The following USP34 variants were observed in gnomAD, a reference collection of about 807,000 sequenced individuals.
USP34 encodes ubiquitin carboxyl-terminal hydrolase 34.
USP34 carries 70 observed loss-of-function variants against 460.3 expected under a neutral mutation model. That is an observed-to-expected ratio of 0.15 (90% CI 0.13 to 0.19). The LOEUF (loss-of-function observed/expected upper bound fraction) is 0.19. Among genes scored for constraint, USP34 ranks in the 10% least tolerant of loss-of-function variants. USP34 has a pLI of 1.00. For missense variants in USP34, 3,985 were observed against 4,236.2 expected (o/e 0.94, Z 1.65); for synonymous variants, 1,647 against 1,405.3 (o/e 1.17, Z -3.85).
At chr2:61,304,459 G>A (rs1047325109) in intron 27 of USP34, among the ~76,000 whole-genome samples, 2 of 152,134 alleles carry the variant, frequency 1.3e-5, no homozygotes, top group African/African-American at 2.4e-5. Flanking sequence ...TCTGTATGTC[G>A]AATCCTAATT....
At chr2:61,361,885 G>T (rs1328990654) in intron 10 of USP34, among the ~76,000 whole-genome samples, 1 of 151,508 alleles carries the variant, frequency 6.6e-6, no homozygotes, top group Non-Finnish European at 1.5e-5. Flanking sequence ...CCTACAAAAT[G>T]GAATAAAATA....
At chr2:61,203,894 A>G (rs1687041812) in intron 74 of USP34, among the ~76,000 whole-genome samples, 1 of 151,598 alleles carries the variant, frequency 6.6e-6, no homozygotes, top group African/African-American at 2.4e-5. Context: ...ATATAATTTA[A>G]GGGAAGTAGA....
chr2:61,404,406 C>T (rs968659493), intron 3 of USP34, among the ~76,000 whole-genome samples: 3 of 152,144 alleles, frequency 2.0e-5, no homozygotes, highest in African/African-American at 7.2e-5. Flanking sequence ...TACTTCACTA[C>T]CCCTTTGAAT....
intron 51 of USP34, among the ~76,000 whole-genome samples, chr2:61,242,452 AATAC>A (rs1302674002): frequency 8.2e-5 from 9 of 110,092 alleles, no homozygotes; most frequent in South Asian, 3.4e-4. Flanking sequence ...AACCAAAGAT[AATAC>A]ATACACACAC....
intron 22 of USP34, 129 bp downstream of exon 22, chr2:61,319,044 G>T: frequency 1.1e-6 from 1 of 881,508 alleles, no homozygotes; most frequent in Non-Finnish European, 1.6e-6. Context: ...TATTAGGACT[G>T]CTAAAATTCA....
chr2:61,281,888 C>G (rs1572897800), intron 37 of USP34, among the ~76,000 whole-genome samples: 1 of 152,110 alleles, frequency 6.6e-6, no homozygotes. Context: ...CAACTTCAAT[C>G]GGAATATTCT....
At chr2:61,375,768 CAA>C (rs56304309) in intron 8 of USP34, among the ~76,000 whole-genome samples, 11 of 80,870 alleles carry the variant, frequency 1.4e-4, no homozygotes, top group East Asian at 1.2e-3. Context: ...GACTCTGTCT[CAA>C]AAAAAAAAAA....
chr2:61,284,358 C>G (rs979212653), intron 35 of USP34, among the ~76,000 whole-genome samples: 1 of 152,084 alleles, frequency 6.6e-6, no homozygotes, highest in Non-Finnish European at 1.5e-5. Context: ...GCCTGCATTA[C>G]TTGAAAATGT....
Position 61,335,664 on chromosome 2 carries a change from G to A in USP34, c.2745-1693C>T, listed in dbSNP as rs1327331217. ...CTCAGCAGGCTGAGGTGGGAGACTCGCTTGAGCCTGGGAGGCGGAGGTTAC... is the reference window on the plus strand; with the variant it reads ...CTCAGCAGGCTGAGGTGGGAGACTCACTTGAGCCTGGGAGGCGGAGGTTAC... On this transcript the variant is annotated intron_variant, in intron 18 of 79. Coordinates refer to ENST00000398571, the MANE Select transcript of USP34 (RefSeq NM_014709.4). Among the ~76,000 whole-genome samples the A allele has an allele frequency of 3.9e-5, 6 of 152,276 alleles. 1 individual carries two copies. Among genetic ancestry groups the A allele is most frequent in the Admixed American group, 2.6e-4 (4 of 15,288 alleles).
chr2:61,197,112 T>G (rs1195161662), intron 75 of USP34, among the ~76,000 whole-genome samples: 2 of 151,810 alleles, frequency 1.3e-5, no homozygotes, highest in African/African-American at 4.8e-5. Context: ...CCCACTCTAT[T>G]TAAAAAAAAT....
intron 7 of USP34, among the ~76,000 whole-genome samples, chr2:61,379,338 G>C (rs1692902958): frequency 6.6e-6 from 1 of 152,140 alleles, no homozygotes; most frequent in Non-Finnish European, 1.5e-5. Context: ...GGCCAACACG[G>C]TAAAAACCCA....
intron 43 of USP34, among the ~76,000 whole-genome samples, chr2:61,262,116 A>AATATATATATAT (rs70963406): frequency 8.4e-5 from 4 of 47,400 alleles, no homozygotes; most frequent in African/African-American, 3.3e-4. Context: ...AAAAAAAAAA[A>AATATATATATAT]ATATATATAT....
At chr2:61,288,630 T>G in intron 34 of USP34, 47 bp downstream of exon 34, 4 of 1,580,668 alleles carry the variant, frequency 2.5e-6, no homozygotes, top group Non-Finnish European at 3.5e-6. Context: ...CTTCAGTTTA[T>G]AAAAATAAAT....
rs570868142 is a variant in USP34, at chr2:61,419,632, A to C, written c.131+1114T>G. ...TGTTTCTCTGGATTTCATTTTATTC[A>C]GTGGCAAACTTATAGATCCTGAAAT... On this transcript the variant is annotated intron_variant, in intron 2 of 79. Coordinates refer to ENST00000398571, the MANE Select transcript of USP34 (RefSeq NM_014709.4). Among the ~76,000 whole-genome samples, 6 of 152,326 alleles carry C rather than the reference A, an allele frequency of 3.9e-5. No individual in the cohort carries two copies. In the South Asian group the frequency reaches 1.0e-3, roughly 26 times the overall value.
chr2:61,429,708 G>C (rs918265795), intron 1 of USP34, among the ~76,000 whole-genome samples: 1 of 152,164 alleles, frequency 6.6e-6, no homozygotes, highest in Non-Finnish European at 1.5e-5. Flanking sequence ...CAAGCAACAT[G>C]GATGACTTCT....
intron 63 of USP34, 28 bp downstream of exon 63, chr2:61,223,220 A>C (rs1463660772): frequency 6.2e-7 from 1 of 1,613,680 alleles, no homozygotes; most frequent in South Asian, 1.1e-5. Flanking sequence ...GTGATGATCA[A>C]ATTGTCTAAT....
chr2:61,298,838 C>CT (rs1690130595), intron 29 of USP34, among the ~76,000 whole-genome samples: 1 of 151,670 alleles, frequency 6.6e-6, no homozygotes, highest in African/African-American at 2.4e-5. Flanking sequence ...CCTTTCTGTC[C>CT]TAGTATTTAA....
intron 10 of USP34, among the ~76,000 whole-genome samples, chr2:61,362,654 A>G (rs912392639): frequency 2.6e-5 from 4 of 152,198 alleles, no homozygotes; most frequent in Admixed American, 6.5e-5. Flanking sequence ...ATAAGTTGAC[A>G]TCAGTAAAAG....
At chr2:61,230,386 C>A (rs758999673) in intron 58 of USP34, among the ~76,000 whole-genome samples, 7 of 151,966 alleles carry the variant, frequency 4.6e-5, no homozygotes, top group Non-Finnish European at 1.0e-4. Context: ...ATTAGCCGGG[C>A]GTGGTGGTGG....
Sources: allele counts gnomAD v4.1 joint callset (sites outside exome capture counted in the v4.1 genomes callset), GRCh38; gene constraint gnomAD v4.1.1; transcripts MANE v1.5; gene names NCBI Gene and HGNC (gene_info 2026-07-23, HGNC 2026-07-21).